SCUBE2: variants seen among roughly 807,000 people sequenced by gnomAD.
SCUBE2 encodes signal peptide, CUB domain and EGF like domain containing 2.
A neutral mutation model predicts 125.9 loss-of-function variants in SCUBE2; 114 were observed. The ratio of observed to expected loss-of-function variants is 0.91; its 90% confidence interval spans 0.78 to 1.06. The LOEUF is 1.06. Ranked by LOEUF, SCUBE2 falls within the 50% of genes least tolerant of loss-of-function variation. The pLI, the probability that SCUBE2 is intolerant of heterozygous loss-of-function variation, is 0.00. For missense variants in SCUBE2, 1,255 were observed against 1,301.8 expected, an observed-to-expected ratio of 0.96 and a Z score of 0.55; for synonymous variants, 459 against 492.9, an observed-to-expected ratio of 0.93 and a Z score of 0.91.
intron 13 of SCUBE2, among the ~76,000 whole-genome samples, chr11:9,051,629 TGTG>T (rs1858427709): frequency 6.6e-6 from 1 of 152,186 alleles, no homozygotes; most frequent in African/African-American, 2.4e-5. Context: ...TCTTTTAAGT[TGTG>T]GTGAGAACTT....
At chr11:9,048,367 CAT>C (rs953748844) in intron 14 of SCUBE2, among the ~76,000 whole-genome samples, 2 of 152,212 alleles carry the variant, frequency 1.3e-5, no homozygotes, top group African/African-American at 4.8e-5. Flanking sequence ...TGACTAGCCA[CAT>C]ATGTGGAAGA....
intron 6 of SCUBE2, 23 bp from the exon 7 acceptor site, chr11:9,066,003 C>T (rs548142720): frequency 1.5e-5 from 24 of 1,553,620 alleles, no homozygotes; most frequent in African/African-American, 9.5e-5. Flanking sequence ...CAAAAGAGCA[C>T]GGTTCTCAGA....
In SCUBE2 at chr11:9,030,041, T is replaced by A; in HGVS notation, c.2346A>T (p.Gln782His). Reference sequence around the variant, plus strand: ...TGTTGTAGAAATGTCCAGGTGAACATTGAACTGTGGGTCAAGGGAGGGTGA... The same window carrying A: ...TGTTGTAGAAATGTCCAGGTGAACAATGAACTGTGGGTCAAGGGAGGGTGA... The part of the protein sequence containing the change: ...TSFQDCETRV[Q>H]CSPGHFYNTT... Residue 782 changes from glutamine to histidine, a missense_variant, in exon 19 of 23, where the codon CAA becomes CAT. Physicochemically the swap from Gln to His is conservative, Grantham distance 24. This residue lies in a region of SCUBE2 where 515 missense variants were observed against 515.7 expected (regional missense o/e 1.00). Transcript: ENST00000649792. 1 of 1,613,726 alleles carries A rather than the reference T, an allele frequency of 6.2e-7. No homozygotes were observed. The highest frequency in any genetic ancestry group is 1.3e-5 in the African/African-American group (1 of 75,016).
chr11:9,027,280 T>C, intron 20 of SCUBE2, 84 bp downstream of exon 20: 1 of 1,338,522 alleles, frequency 7.5e-7, no homozygotes, highest in Non-Finnish European at 1.1e-6. Flanking sequence ...GTTCTAGGCC[T>C]GCCTCCTCAC....
intron 7 of SCUBE2, among the ~76,000 whole-genome samples, chr11:9,063,345 A>G (rs1273630472): frequency 1.3e-5 from 2 of 152,226 alleles, no homozygotes; most frequent in African/African-American, 2.4e-5. Context: ...TACTAAAAAT[A>G]GGTGGGCAAA....
chr11:9,066,459 G>A (rs747875486), intron 6 of SCUBE2, among the ~76,000 whole-genome samples: 5 of 152,200 alleles, frequency 3.3e-5, no homozygotes, highest in South Asian at 2.1e-4. Flanking sequence ...GAATACCAGC[G>A]TTAGGAGCAG....
At chr11:9,046,183 T>G (rs554807819) in intron 16 of SCUBE2, among the ~76,000 whole-genome samples, 1 of 151,506 alleles carries the variant, frequency 6.6e-6, no homozygotes, top group Non-Finnish European at 1.5e-5. Context: ...ATTTTTTGTA[T>G]TTTTTTAGTA....
intron 2 of SCUBE2, among the ~76,000 whole-genome samples, chr11:9,081,623 T>C (rs1047317546): frequency 2.6e-5 from 4 of 151,576 alleles, no homozygotes; most frequent in African/African-American, 9.7e-5. Flanking sequence ...AGTTTGAGAC[T>C]AGCCTGAGCA....
intron 16 of SCUBE2, among the ~76,000 whole-genome samples, chr11:9,042,571 T>C (rs1336594723): frequency 5.9e-5 from 9 of 152,218 alleles, no homozygotes; most frequent in Admixed American, 5.9e-4. Context: ...TCATCCTTTC[T>C]CATGCTCTCT....
At chr11:9,051,183 T>TA (rs1157413917) in intron 13 of SCUBE2, among the ~76,000 whole-genome samples, 2 of 57,692 alleles carry the variant, frequency 3.5e-5, no homozygotes. Flanking sequence ...AACAAAAAAT[T>TA]ATCTATCTAT....
chr11:9,076,639 G>C (rs1415066810), intron 3 of SCUBE2, among the ~76,000 whole-genome samples: 2 of 152,054 alleles, frequency 1.3e-5, no homozygotes, highest in African/African-American at 4.8e-5. Flanking sequence ...ATTTTCTCCA[G>C]TCTAATTTCT....
intron 19 of SCUBE2, among the ~76,000 whole-genome samples, chr11:9,028,717 C>A (rs1237168329): frequency 1.4e-5 from 2 of 146,068 alleles, no homozygotes; most frequent in Non-Finnish European, 2.9e-5. Context: ...GAAGGGGGAG[C>A]CATGGGGCGG....
At chr11:9,075,967 T>C (rs1407131123) in intron 3 of SCUBE2, among the ~76,000 whole-genome samples, 1 of 152,164 alleles carries the variant, frequency 6.6e-6, no homozygotes, top group Non-Finnish European at 1.5e-5. Context: ...GGAGATATGG[T>C]TGCCCCTGAC....
At position 9,091,485 on chromosome 11, in the gene SCUBE2, ACC is replaced by A. The variant is rs772252453; in HGVS notation, c.42_43del (p.Val15AlafsTer33). On this transcript the variant is annotated frameshift_variant, in exon 1 of 23. Coordinates refer to ENST00000649792, the MANE Select transcript of SCUBE2 (RefSeq NM_001367977.2). LOFTEE classifies it high-confidence loss of function. The surrounding 1 kb of genome is among the most constrained non-coding windows in gnomAD (Gnocchi z 8.5). ...CGGCAGCAGCAGCAGCAGCAGCAGC[ACC>A]GCCCAGGCCGCCCCGGGACGGTTGC... is the stretch of plus-strand genomic sequence containing the variant. The A allele has an allele frequency of 9.1e-7, 1 of 1,097,290 alleles. No individual in the cohort carries two copies. The highest frequency in any genetic ancestry group is 1.2e-6 in the Non-Finnish European group (1 of 847,048). The allele number at this position is 1,097,290 out of a possible 1,614,324, so 68.0% of individuals were successfully genotyped here.
chr11:9,074,635 A>C lies in SCUBE2; in HGVS notation c.383-20T>G. The C allele has an allele frequency of 1.9e-6, 3 of 1,614,044 alleles. No homozygotes were observed. The highest frequency in any genetic ancestry group is 1.7e-6 in the Non-Finnish European group (2 of 1,179,926). On this transcript the variant is annotated intron_variant, in intron 3 of 22. Transcript: ENST00000649792. ...CCACATCTGGAAGGAGAGAGGGATT[A>C]GCCTTTGCTTTGGTGACTGTTTCAA...
chr11:9,091,481 CA>C lies in SCUBE2; in HGVS notation c.47del (p.Leu16ArgfsTer31). On this transcript the variant is annotated frameshift_variant, in exon 1 of 23. Coordinates refer to ENST00000649792, the MANE Select transcript of SCUBE2 (RefSeq NM_001367977.2). LOFTEE classifies it high-confidence loss of function. This position sits in a 1 kb window ranked among gnomAD's most constrained non-coding sequence, Gnocchi z 8.5. ...GTGGCGGCAGCAGCAGCAGCAGCAGCAGCACCGCCCAGGCCGCCCCGGGACG... is the reference window on the plus strand; with the variant it reads ...GTGGCGGCAGCAGCAGCAGCAGCAGCGCACCGCCCAGGCCGCCCCGGGACG... Reference protein sequence around the residue: ...RNRPGAAWAVLLLLLLLPPLL... With the variant: ...RNRPGAAWAVXLLLLLLPPLL... 8.1e-7 allele frequency: 1 copy of C among 1,238,560 alleles called. No homozygotes were observed. The highest frequency in any genetic ancestry group is 1.0e-6 in the Non-Finnish European group (1 of 960,888). 76.7% of individuals were successfully genotyped at this position (1,238,560 alleles called of 1,614,324 possible).
At position 9,021,051 on chromosome 11, in the gene SCUBE2, G is replaced by A. The variant is rs774030479; in HGVS notation, c.3081C>T (p.Tyr1027=). The change falls in exon 23 of 23, where the codon TAC becomes TAT. Residue 1027 remains tyrosine, a synonymous_variant. Coordinates refer to ENST00000649792, the MANE Select transcript of SCUBE2 (RefSeq NM_001367977.2). ...RSKVSRFLRP[Y]K ...GAGTGGCACGTGGGCTGAGTCATTT[G>A]TAAGGTCTCAAAAACCTGGACACTT... 6.2e-6 allele frequency: 10 copies of A among 1,613,196 alleles called. No individual in the cohort carries two copies. The Admixed American group carries it at 1.7e-4, about 27-fold the overall frequency.
intron 13 of SCUBE2, 145 bp from the exon 14 acceptor site, chr11:9,050,855 C>T: frequency 1.5e-6 from 1 of 687,384 alleles, no homozygotes. Flanking sequence ...CTAAGAGTGG[C>T]TTGGATCATG....
Position 9,047,557 on chromosome 11 carries a change from A to G in SCUBE2, c.1801T>C (p.Cys601Arg), listed in dbSNP as rs1200937937. The change falls in exon 16 of 23, where the codon TGT becomes CGT. Residue 601 changes from cysteine (C) to arginine (R), a missense_variant. Coordinates refer to ENST00000649792, the MANE Select transcript of SCUBE2 (RefSeq NM_001367977.2). ...CGCTTTACGATGCAGCTCAGGTCAC[A>G]AGAAGCTACAGAAACAAGAGGGACA... ...ETNQKEVTAS[C>R]DLSCIVKRTE... 6 of 1,613,822 alleles carry G rather than the reference A, an allele frequency of 3.7e-6. No individual in the cohort carries two copies. Among genetic ancestry groups the G allele is most frequent in the East Asian group, 2.2e-5 (1 of 44,894 alleles).
Sources: allele counts gnomAD v4.1 joint callset (sites outside exome capture counted in the v4.1 genomes callset), GRCh38; gene constraint gnomAD v4.1.1; regional missense constraint gnomAD v4.1.1; non-coding constraint Gnocchi (gnomAD v3.1); transcripts MANE v1.5; gene names NCBI Gene and HGNC (gene_info 2026-07-23, HGNC 2026-07-21).